Variants in RANBP9 observed in about 807,000 individuals in gnomAD.
RANBP9 encodes the protein ran-binding protein 9.
In RANBP9, 15 loss-of-function variants were observed where a neutral mutation model predicts 84.3. The ratio of observed to expected loss-of-function variants is 0.18; its 90% CI spans 0.12 to 0.27. RANBP9 has a LOEUF of 0.27. Ranked by LOEUF, RANBP9 falls within the 10% of genes least tolerant of loss-of-function variation. RANBP9 has a pLI of 1.00. For missense variants in RANBP9, 809 were observed against 912.8 expected, an observed-to-expected ratio of 0.89 and a Z score of 1.46; for synonymous variants, 392 against 349.6, an observed-to-expected ratio of 1.12 and a Z score of -1.35.
intron 2 of RANBP9, among the ~76,000 whole-genome samples, chr6:13,662,944 A>G (rs1483154565): frequency 2.0e-5 from 3 of 152,172 alleles, no homozygotes; most frequent in African/African-American, 7.2e-5. Context: ...GTATGGGGGG[A>G]AAGAGTCCTT....
intron 2 of RANBP9, among the ~76,000 whole-genome samples, chr6:13,660,366 G>T (rs1037839096): frequency 6.6e-6 from 1 of 152,026 alleles, no homozygotes; most frequent in Non-Finnish European, 1.5e-5. Flanking sequence ...ACCATCAGTT[G>T]TGTGCGGTGG....
chr6:13,634,895 A>G (rs1265653462), intron 10 of RANBP9, among the ~76,000 whole-genome samples: 1 of 152,012 alleles, frequency 6.6e-6, no homozygotes, highest in Non-Finnish European at 1.5e-5. Flanking sequence ...CTGCTGCCCC[A>G]CCAACTCCCC....
intron 12 of RANBP9, among the ~76,000 whole-genome samples, chr6:13,632,090 T>C (rs186299701): frequency 4.9e-5 from 7 of 144,064 alleles, no homozygotes; most frequent in Non-Finnish European, 9.0e-5. Flanking sequence ...CACACAATGT[T>C]GATAAGCACT....
At chr6:13,671,277 T>C (rs1313930046) in intron 2 of RANBP9, among the ~76,000 whole-genome samples, 1 of 152,190 alleles carries the variant, frequency 6.6e-6, no homozygotes, top group Non-Finnish European at 1.5e-5. Flanking sequence ...ATAGGGTATC[T>C]ATGACCCAGA....
chr6:13,632,250 G>C lies in RANBP9; in HGVS notation c.1947+120C>G, dbSNP rs1257952834. 5 of 841,712 alleles carry C rather than the reference G, an allele frequency of 5.9e-6. No homozygotes were observed. The African/African-American group carries it at 9.0e-5, about 15-fold the overall frequency. 52.1% of individuals were successfully genotyped at this position (841,712 alleles called of 1,614,324 possible). On this transcript the variant is annotated intron_variant, in intron 12 of 13. Coordinates refer to ENST00000011619, the MANE Select transcript of RANBP9 (RefSeq NM_005493.3). ...CCACTCTCAGATGGGCAAGGAGCCA[G>C]GGGGAAGGTCAGGTCCCAGTTCCCT...
At chr6:13,684,489 C>T (rs1766121411) in intron 2 of RANBP9, among the ~76,000 whole-genome samples, 1 of 152,192 alleles carries the variant, frequency 6.6e-6, no homozygotes, top group South Asian at 2.1e-4. Context: ...CTTACCTAAC[C>T]TATAGTTTCC....
At chr6:13,635,109 G>A (rs1349798152) in intron 10 of RANBP9, among the ~76,000 whole-genome samples, 2 of 152,178 alleles carry the variant, frequency 1.3e-5, no homozygotes, top group East Asian at 3.8e-4. Context: ...AAGGGTAACT[G>A]ATAACTTAAA....
chr6:13,666,781 A>G (rs1056657087), intron 2 of RANBP9, among the ~76,000 whole-genome samples: 2 of 151,916 alleles, frequency 1.3e-5, no homozygotes, highest in East Asian at 3.9e-4. Context: ...ACAACAAAAA[A>G]TTGTTATGGA....
intron 3 of RANBP9, among the ~76,000 whole-genome samples, chr6:13,657,523 G>GA (rs1326061644): frequency 6.6e-6 from 1 of 152,038 alleles, no homozygotes; most frequent in Non-Finnish European, 1.5e-5. Flanking sequence ...CCCCCTACCA[G>GA]AAAAAACAAA....
chr6:13,640,050 A>C (rs1411103524), intron 8 of RANBP9, among the ~76,000 whole-genome samples: 1 of 152,216 alleles, frequency 6.6e-6, no homozygotes, highest in South Asian at 2.1e-4. Context: ...GGCTACAAGT[A>C]ATTTAATCAA....
At chr6:13,693,976 G>C (rs529147653) in intron 2 of RANBP9, among the ~76,000 whole-genome samples, 2 of 152,168 alleles carry the variant, frequency 1.3e-5, no homozygotes, top group Non-Finnish European at 2.9e-5. Context: ...CCGGGAGGCA[G>C]AGGTTGCAGT....
chr6:13,702,004 C>T (rs1463801819), intron 1 of RANBP9, among the ~76,000 whole-genome samples: 2 of 152,184 alleles, frequency 1.3e-5, no homozygotes, highest in Non-Finnish European at 2.9e-5. Context: ...TCATTATCTT[C>T]CTCTCTAATC....
Position 13,639,762 on chromosome 6 carries a change from G to A in RANBP9, c.1335-9C>T, listed in dbSNP as rs774200546. On this transcript the variant is annotated splice_polypyrimidine_tract_variant and intron_variant, in intron 8 of 13. Coordinates refer to ENST00000011619, the MANE Select transcript of RANBP9 (RefSeq NM_005493.3). ...CTATAAACTGACGCACTCTAAAGGAGAAAAGAAAAATTTACTTAGACACAA... is the reference window on the plus strand; with the variant it reads ...CTATAAACTGACGCACTCTAAAGGAAAAAAGAAAAATTTACTTAGACACAA... 53 of 1,589,760 alleles carry A rather than the reference G, an allele frequency of 3.3e-5. No individual in the cohort carries two copies. In the East Asian group the frequency reaches 1.1e-3, roughly 34 times the overall value.
At chr6:13,673,109 AG>A in intron 2 of RANBP9, among the ~76,000 whole-genome samples, 1 of 152,330 alleles carries the variant, frequency 6.6e-6, no homozygotes, top group South Asian at 2.1e-4. Flanking sequence ...CTTCAAACCT[AG>A]GTCAAAGACA....
intron 2 of RANBP9, among the ~76,000 whole-genome samples, chr6:13,681,252 G>A (rs909048409): frequency 1.3e-5 from 2 of 152,126 alleles, no homozygotes; most frequent in Non-Finnish European, 1.5e-5. Flanking sequence ...GTGGTTGTGA[G>A]GAGTTGGGGG....
At chr6:13,671,993 A>G (rs1765788826) in intron 2 of RANBP9, among the ~76,000 whole-genome samples, 1 of 152,164 alleles carries the variant, frequency 6.6e-6, no homozygotes, top group Non-Finnish European at 1.5e-5. Flanking sequence ...ATGGAGCTAT[A>G]TTTACTCTAA....
At position 13,625,767 on chromosome 6, in the gene RANBP9, G is replaced by A; in HGVS notation, c.1948-3C>T. ...TATGCTAGTAGACTGAATGCATCCTGTTGAAAACACATCGATTTGGTTTTA... is the reference window on the plus strand; with the variant it reads ...TATGCTAGTAGACTGAATGCATCCTATTGAAAACACATCGATTTGGTTTTA... On this transcript the variant is annotated splice_polypyrimidine_tract_variant and splice_region_variant and intron_variant, in intron 12 of 13. Transcript: ENST00000011619. 6.4e-7 allele frequency: 1 copy of A among 1,572,094 alleles called. No homozygotes were observed. Among genetic ancestry groups the A allele is most frequent in the Non-Finnish European group, 8.8e-7 (1 of 1,142,120 alleles).
intron 1 of RANBP9, among the ~76,000 whole-genome samples, chr6:13,705,525 T>C (rs1364261403): frequency 6.6e-6 from 1 of 151,852 alleles, no homozygotes; most frequent in Non-Finnish European, 1.5e-5. Context: ...AAACCTAATT[T>C]CCCAAAATCT....
In RANBP9 at chr6:13,686,438, C is replaced by G. The variant is rs575253544; in HGVS notation, c.683+10347G>C. 1.1e-3 allele frequency among the ~76,000 whole-genome samples: 168 copies of G among 152,042 alleles called. 2 individuals carry two copies. The highest frequency in any genetic ancestry group is 3.9e-3 in the African/African-American group (162 of 41,498). On this transcript the variant is annotated intron_variant, in intron 2 of 13. Coordinates refer to ENST00000011619, the MANE Select transcript of RANBP9 (RefSeq NM_005493.3). ...GTAACTGGGTACAGGAATGCGCCAC[C>G]ACGCCCAGCTATTTTTTTGTATTTT...
Sources: gnomAD v4.1 joint callset for allele counts (sites outside exome capture counted in the v4.1 genomes callset) on GRCh38, gnomAD v4.1.1 for gene constraint, MANE v1.5 for transcripts, NCBI Gene and HGNC (gene_info 2026-07-23, HGNC 2026-07-21) for gene names.